Variants in DSG4 observed in about 807,000 individuals in gnomAD.
DSG4 encodes desmoglein-4.
Under a neutral mutation model 93.1 loss-of-function variants are expected in DSG4, and 87 were observed. The ratio of observed to expected loss-of-function variants is 0.93; its 90% CI spans 0.79 to 1.12. The LOEUF (loss-of-function observed/expected upper bound fraction) is 1.12, where lower values mean the gene tolerates loss of function less well. Ranked by LOEUF, DSG4 falls within the 50% of genes most tolerant of loss-of-function variation. The pLI is 0.00. For synonymous variants in DSG4, 432 were observed against 452.9 expected, an observed-to-expected ratio of 0.95 and a Z score of 0.59; for missense variants, 1,373 against 1,285.7, an observed-to-expected ratio of 1.07 and a Z score of -1.04.
chr18:31,411,129 T>C (rs2144219241), intron 14 of DSG4, 102 bp from the exon 15 acceptor site: 1 of 1,612,248 alleles, frequency 6.2e-7, no homozygotes, highest in Admixed American at 1.7e-5. Context: ...GCCTACGCCT[T>C]GCCGGGTGGT....
At chr18:31,399,159 C>G in intron 8 of DSG4, 113 bp from the exon 9 acceptor site, 1 of 1,369,210 alleles carries the variant, frequency 7.3e-7, no homozygotes, top group Non-Finnish European at 1.0e-6. Flanking sequence ...AAAATCTAAA[C>G]AGCGTATCTC....
intron 1 of DSG4, among the ~76,000 whole-genome samples, chr18:31,379,227 A>C (rs1001656057): frequency 6.6e-6 from 1 of 152,218 alleles, no homozygotes; most frequent in African/African-American, 2.4e-5. Context: ...GCTCCTCTTC[A>C]AAGTGGCTGT....
At position 31,406,158 on chromosome 18, in the gene DSG4, A is replaced by G; in HGVS notation, c.1718A>G (p.Asn573Ser). ...EIPILVKDSY[N>S]RACELAQMVQ... ...CCAATCCTGGTGAAGGACAGCTATA[A>G]CAGAGCATGTGAATTGGCACAAATG... The change falls in exon 12 of 16, where the codon AAC (asparagine) becomes AGC (serine). Residue 573 changes from asparagine to serine, a missense_variant. By Grantham distance (46) the Asn-to-Ser change is conservative. Transcript: ENST00000308128. 6.2e-7 allele frequency: 1 copy of G among 1,614,154 alleles called. No homozygotes were observed. The highest frequency in any genetic ancestry group is 1.7e-5 in the Admixed American group (1 of 60,022).
intron 12 of DSG4, among the ~76,000 whole-genome samples, chr18:31,406,629 A>G (rs1194951407): frequency 6.6e-6 from 1 of 152,210 alleles, no homozygotes; most frequent in African/African-American, 2.4e-5. Flanking sequence ...CTAAAAGCAC[A>G]AAACAAATCC....
chr18:31,397,842 C>T (rs569517095), intron 8 of DSG4, among the ~76,000 whole-genome samples: 1 of 152,088 alleles, frequency 6.6e-6, no homozygotes, highest in South Asian at 2.1e-4. Context: ...GCCTGGCCAA[C>T]AGGCAAAACC....
chr18:31,405,088 C>T (rs1251206293), intron 11 of DSG4, among the ~76,000 whole-genome samples: 3 of 152,284 alleles, frequency 2.0e-5, no homozygotes, highest in African/African-American at 7.2e-5. Context: ...GTGGACATAG[C>T]TGGCTTGCCA....
chr18:31,412,812 T>C lies in DSG4; in HGVS notation c.2356-16T>C, dbSNP rs375158802. The C allele has an allele frequency of 2.5e-6, 4 of 1,613,822 alleles. No individual in the cohort carries two copies. Among genetic ancestry groups the C allele is most frequent in the Non-Finnish European group, 3.4e-6 (4 of 1,179,950 alleles). ...GAAAAAGAAATTTCTAATTCTGTAT[T>C]TCCTTTTAATTTTAGAAAGCGTATG... On this transcript the variant is annotated splice_polypyrimidine_tract_variant and intron_variant, in intron 15 of 15. Transcript: ENST00000308128.
rs886053704 is a variant in DSG4, at chr18:31,388,409, A to G, written c.259A>G (p.Ile87Val). Reference sequence around the variant, plus strand: ...ATCGAACCAGAAGATAACATACCGGATTTCTGGAGTAGGGATTGATCGACC... The same window carrying G: ...ATCGAACCAGAAGATAACATACCGGGTTTCTGGAGTAGGGATTGATCGACC... ...CESNQKITYR[I>V]SGVGIDRPPY... The change falls in exon 4 of 16, where the codon ATT becomes GTT. Residue 87 changes from isoleucine (I) to valine (V), a missense_variant. Coordinates refer to ENST00000308128, the MANE Select transcript of DSG4 (RefSeq NM_177986.5). The G allele has an allele frequency of 1.9e-6, 3 of 1,613,488 alleles. No homozygotes were observed. Among genetic ancestry groups the G allele is most frequent in the Non-Finnish European group, 1.7e-6 (2 of 1,179,602 alleles).
At chr18:31,378,486 A>C (rs1044690957) in intron 1 of DSG4, among the ~76,000 whole-genome samples, 3 of 152,182 alleles carry the variant, frequency 2.0e-5, no homozygotes, top group Non-Finnish European at 2.9e-5. Flanking sequence ...ATGATTTATG[A>C]TAATATTATT....
intron 8 of DSG4, among the ~76,000 whole-genome samples, chr18:31,396,822 T>A (rs938651303): frequency 6.6e-6 from 1 of 152,180 alleles, no homozygotes; most frequent in African/African-American, 2.4e-5. Context: ...TGGGGGCCAG[T>A]AAAACCGATT....
chr18:31,408,827 A>G lies in DSG4; in HGVS notation c.1934-625A>G, dbSNP rs539203003. On this transcript the variant is annotated intron_variant, in intron 12 of 15. Transcript: ENST00000308128. ...CTTAGAAAACTTAAGCAGTGTCTAT[A>G]TTTATGGATTAAAATACAGAATTGA... 3.3e-4 allele frequency among the ~76,000 whole-genome samples: 51 copies of G among 152,338 alleles called. No individual in the cohort carries two copies. The South Asian group carries it at 9.1e-3, about 27-fold the overall frequency.
At position 31,388,998 on chromosome 18, in the gene DSG4, T is replaced by C. The variant is rs765676569; in HGVS notation, c.497T>C (p.Ile166Thr). ...VFSQSVYTAS[I>T]EENSDANTLV... ...TCGCAAAGTGTATACACAGCCAGCATTGAAGAAAATAGTGATGCCAGTAAG... is the reference window on the plus strand; with the variant it reads ...TCGCAAAGTGTATACACAGCCAGCACTGAAGAAAATAGTGATGCCAGTAAG... Residue 166 changes from isoleucine (I) to threonine (T), a missense_variant, in exon 5 of 16, where the codon ATT becomes ACT. Ile to Thr is a moderately conservative substitution (Grantham distance 89). Coordinates refer to ENST00000308128, the MANE Select transcript of DSG4 (RefSeq NM_177986.5). 16 of 1,613,092 alleles carry C rather than the reference T, an allele frequency of 9.9e-6. No individual in the cohort carries two copies. In the East Asian group the frequency reaches 3.1e-4, roughly 31 times the overall value.
intron 1 of DSG4, among the ~76,000 whole-genome samples, chr18:31,380,823 A>G (rs1034558861): frequency 6.6e-6 from 1 of 152,216 alleles, no homozygotes; most frequent in Admixed American, 6.5e-5. Context: ...ACTACTTTAA[A>G]TACACTCAGA....
chr18:31,386,642 A>G (rs2072190538), intron 2 of DSG4, 46 bp from the exon 3 acceptor site: 4 of 1,610,390 alleles, frequency 2.5e-6, no homozygotes, highest in African/African-American at 2.7e-5. Context: ...CTTTCTAAGT[A>G]AAATTGTTCT....
rs952771528 is a variant in DSG4 at position 31,403,527 on chromosome 18, C to G, written c.1529C>G (p.Ser510Ter). ...AGAACCATCTGCATTGACTCTCCAT[C>G]AGTCCTTATCTCTGTTAATGAACAT... ...ERRTICIDSP[S>*]VLISVNEHSY... The change falls in exon 11 of 16, where the codon TCA becomes TGA. Residue 510 changes from serine to a stop codon, truncating the protein, a stop_gained. Transcript: ENST00000308128. LOFTEE classifies it high-confidence loss of function. The G allele has an allele frequency of 6.2e-7, 1 of 1,613,954 alleles. No homozygotes were observed. The highest frequency in any genetic ancestry group is 8.5e-7 in the Non-Finnish European group (1 of 1,179,956).
intron 14 of DSG4, among the ~76,000 whole-genome samples, chr18:31,410,083 C>A (rs2072469649): frequency 6.6e-6 from 1 of 152,108 alleles, no homozygotes; most frequent in African/African-American, 2.4e-5. Flanking sequence ...GGTTGCATAT[C>A]TTTTATCCGA....
chr18:31,410,139 C>T (rs1445442064), intron 14 of DSG4, among the ~76,000 whole-genome samples: 2 of 152,004 alleles, frequency 1.3e-5, no homozygotes, highest in Admixed American at 6.6e-5. Context: ...CTTTTTGTAC[C>T]ATGATGATCA....
At chr18:31,399,774 T>C (rs991227246) in intron 9 of DSG4, among the ~76,000 whole-genome samples, 1 of 152,236 alleles carries the variant, frequency 6.6e-6, no homozygotes, top group Admixed American at 6.5e-5. Context: ...CAGTGAGTAA[T>C]TGTAAGATCA....
At position 31,376,836 on chromosome 18, in the gene DSG4, A is replaced by G; in HGVS notation, c.-76A>G. The stretch of plus-strand genomic sequence containing the variant: ...TGTCTCAAAGCATATCTTTCTGTAG[A>G]GCAGAATTCGGAACTGAGAAGACGA... On this transcript the variant is annotated 5_prime_UTR_variant, in exon 1 of 16. Coordinates refer to ENST00000308128, the MANE Select transcript of DSG4 (RefSeq NM_177986.5). 6.6e-7 allele frequency: 1 copy of G among 1,526,210 alleles called. No homozygotes were observed. The highest frequency in any genetic ancestry group is 1.1e-5 in the South Asian group (1 of 88,966). 94.5% of individuals were successfully genotyped at this position (1,526,210 alleles called of 1,614,324 possible). A position where few individuals can be genotyped will look rare whatever the true frequency, so the allele number is the denominator to read the frequency against.
Sources: allele counts gnomAD v4.1 joint callset (sites outside exome capture counted in the v4.1 genomes callset), GRCh38; gene constraint gnomAD v4.1.1; transcripts MANE v1.5; gene names NCBI Gene and HGNC (gene_info 2026-07-23, HGNC 2026-07-21).